Variants in CACUL1 observed in about 807,000 individuals in gnomAD.
The protein encoded by CACUL1 is CDK2-associated and cullin domain-containing protein 1.
In CACUL1, 13 loss-of-function variants were observed where a neutral mutation model predicts 45.2. The ratio of observed to expected loss-of-function variants is 0.29; its 90% CI spans 0.19 to 0.46. The LOEUF (loss-of-function observed/expected upper bound fraction) is 0.46, where lower values mean the gene tolerates loss of function less well. CACUL1 is among the 20% of genes least tolerant of loss of function. The pLI is 1.00. For missense variants in CACUL1, 421 were observed against 471.4 expected, an observed-to-expected ratio of 0.89 and a Z score of 0.99; for synonymous variants, 197 against 174.2, an observed-to-expected ratio of 1.13 and a Z score of -1.03.
At chr10:118,700,610 G>A (rs964030098) in intron 5 of CACUL1, among the ~76,000 whole-genome samples, 3 of 151,866 alleles carry the variant, frequency 2.0e-5, no homozygotes, top group South Asian at 2.1e-4. Flanking sequence ...CCAGCTACTC[G>A]GGAGGCTGAG....
chr10:118,737,189 T>G (rs1845748212), intron 1 of CACUL1, among the ~76,000 whole-genome samples: 1 of 151,850 alleles, frequency 6.6e-6, no homozygotes, highest in Non-Finnish European at 1.5e-5. Flanking sequence ...GATTTGCCAG[T>G]ACAAGAGGGC....
At chr10:118,729,707 T>G (rs1037127044) in intron 2 of CACUL1, among the ~76,000 whole-genome samples, 32 of 152,330 alleles carry the variant, frequency 2.1e-4, no homozygotes, top group African/African-American at 7.2e-4. Flanking sequence ...CCAGGTTCTC[T>G]CTCTCTTTTT....
chr10:118,744,719 G>T (rs566612931), intron 1 of CACUL1, among the ~76,000 whole-genome samples: 3 of 152,076 alleles, frequency 2.0e-5, no homozygotes, highest in Non-Finnish European at 1.5e-5. Flanking sequence ...GCAATGATGC[G>T]GTCTCAGCTC....
At chr10:118,686,523 C>T (rs1303945938) in intron 8 of CACUL1, 75 bp downstream of exon 8, 50 of 1,123,150 alleles carry the variant, frequency 4.5e-5, no homozygotes, top group Non-Finnish European at 6.5e-5. Context: ...ATTCAATGCA[C>T]TGTTATCACA....
At chr10:118,720,124 T>C (rs1169595072) in intron 3 of CACUL1, among the ~76,000 whole-genome samples, 1 of 152,248 alleles carries the variant, frequency 6.6e-6, no homozygotes, top group African/African-American at 2.4e-5. Context: ...TCTTGATTTA[T>C]TTCTAAAATA....
At chr10:118,746,580 G>T (rs144185524) in intron 1 of CACUL1, among the ~76,000 whole-genome samples, 1 of 152,092 alleles carries the variant, frequency 6.6e-6, no homozygotes, top group Admixed American at 6.5e-5. Context: ...ACAACAGCTA[G>T]AAGAAAAAAT....
At chr10:118,694,765 G>A (rs900521510) in intron 6 of CACUL1, among the ~76,000 whole-genome samples, 3 of 152,246 alleles carry the variant, frequency 2.0e-5, no homozygotes, top group South Asian at 2.1e-4. Flanking sequence ...TAGATTCTTC[G>A]CAAGTTACTT....
At chr10:118,726,498 A>C in intron 3 of CACUL1, 1 of 351,334 alleles carries the variant, frequency 2.8e-6, no homozygotes, top group African/African-American at 2.1e-5. Context: ...CAATAACACA[A>C]TCACTGCCCT....
intron 5 of CACUL1, among the ~76,000 whole-genome samples, chr10:118,699,802 T>C (rs1845360142): frequency 6.6e-6 from 1 of 151,688 alleles, no homozygotes; most frequent in Non-Finnish European, 1.5e-5. Flanking sequence ...CCCGCCACCA[T>C]GCCCGGCTAA....
At chr10:118,726,348 C>T in intron 3 of CACUL1, 1 of 1,286,462 alleles carries the variant, frequency 7.8e-7, no homozygotes, top group Middle Eastern at 2.1e-4. Flanking sequence ...GTACAGGTCA[C>T]ATTTAGTTAC....
Position 118,754,879 on chromosome 10 carries a change from C to G in CACUL1, c.-117G>C. ...TCGCCGGCGGCAGGAATGGGCGCAGCGGAGAGGGCTGCGGTGCGCAGGGTC... is the reference window on the plus strand; with the variant it reads ...TCGCCGGCGGCAGGAATGGGCGCAGGGGAGAGGGCTGCGGTGCGCAGGGTC... On this transcript the variant is annotated 5_prime_UTR_variant, in exon 1 of 9. Transcript: ENST00000369151. The G allele has an allele frequency of 7.2e-7, 1 of 1,388,452 alleles. No individual in the cohort carries two copies. The highest frequency in any genetic ancestry group is 2.5e-5 in the Admixed American group (1 of 40,328). 86.0% of individuals were successfully genotyped at this position (1,388,452 alleles called of 1,614,324 possible).
At chr10:118,752,620 A>T (rs1003901584) in intron 1 of CACUL1, among the ~76,000 whole-genome samples, 9 of 152,354 alleles carry the variant, frequency 5.9e-5, no homozygotes, top group African/African-American at 2.2e-4. Flanking sequence ...TATCTGTTTT[A>T]GAATCAAGAT....
At chr10:118,730,928 A>G (rs1337870417) in intron 1 of CACUL1, among the ~76,000 whole-genome samples, 1 of 152,182 alleles carries the variant, frequency 6.6e-6, no homozygotes, top group Non-Finnish European at 1.5e-5. Context: ...ACTTGCCGAG[A>G]TTTACAACAA....
intron 1 of CACUL1, among the ~76,000 whole-genome samples, chr10:118,742,283 C>T (rs1845799959): frequency 6.6e-6 from 1 of 152,150 alleles, no homozygotes; most frequent in Non-Finnish European, 1.5e-5. Flanking sequence ...AAATGGAAAG[C>T]CAGCTTGCCC....
intron 1 of CACUL1, among the ~76,000 whole-genome samples, chr10:118,752,836 A>G (rs1435852425): frequency 4.6e-5 from 7 of 152,242 alleles, no homozygotes; most frequent in African/African-American, 1.4e-4. Flanking sequence ...TCTAAGAACT[A>G]TATTTTTCAT....
intron 3 of CACUL1, among the ~76,000 whole-genome samples, chr10:118,718,774 C>T (rs1845571653): frequency 2.0e-5 from 3 of 151,846 alleles, no homozygotes; most frequent in Admixed American, 6.6e-5. Flanking sequence ...GGGTTTTCAC[C>T]GTGTTAGCCA....
chr10:118,744,469 C>A (rs994073246), intron 1 of CACUL1, among the ~76,000 whole-genome samples: 1 of 152,020 alleles, frequency 6.6e-6, no homozygotes, highest in Non-Finnish European at 1.5e-5. Flanking sequence ...TGGTGGATGC[C>A]AGGGGCAGGG....
At chr10:118,699,321 T>C (rs1036127031) in intron 5 of CACUL1, among the ~76,000 whole-genome samples, 1 of 152,178 alleles carries the variant, frequency 6.6e-6, no homozygotes, top group Non-Finnish European at 1.5e-5. Context: ...TACTTGGAAA[T>C]AAAAAGGTAT....
intron 1 of CACUL1, among the ~76,000 whole-genome samples, chr10:118,747,316 T>C (rs542133257): frequency 1.3e-5 from 2 of 151,664 alleles, no homozygotes; most frequent in Admixed American, 1.3e-4. Context: ...CTGATGGGAG[T>C]GTAAAATGGT....
Sources: allele counts gnomAD v4.1 joint callset (sites outside exome capture counted in the v4.1 genomes callset), GRCh38; gene constraint gnomAD v4.1.1; transcripts MANE v1.5; gene names NCBI Gene and HGNC (gene_info 2026-07-23, HGNC 2026-07-21).